Variants in OPCML observed in about 807,000 individuals in gnomAD.
OPCML encodes the protein opioid binding protein/cell adhesion molecule like, also known as opioid-binding protein/cell adhesion molecule.
OPCML carries 13 observed loss-of-function variants against 37.8 expected under a neutral mutation model. That is an observed-to-expected ratio of 0.34 (90% CI 0.22 to 0.55). OPCML has a LOEUF of 0.55. Ranked by LOEUF, OPCML falls within the 20% of genes least tolerant of loss-of-function variation. The pLI, the probability that OPCML is intolerant of heterozygous loss-of-function variation, is 0.91. For synonymous variants in OPCML, 176 were observed against 168.8 expected (o/e 1.04, Z -0.33); for missense variants, 341 against 435.6 (o/e 0.78, Z 1.93).
intron 1 of OPCML, among the ~76,000 whole-genome samples, chr11:132,975,961 G>A (rs949979688): frequency 3.3e-5 from 5 of 152,002 alleles, no homozygotes; most frequent in Admixed American, 6.6e-5. Flanking sequence ...TAGTAGAGAC[G>A]GGGTTTCACC....
chr11:132,725,909 A>T (rs1178050582), intron 2 of OPCML, among the ~76,000 whole-genome samples: 2 of 152,198 alleles, frequency 1.3e-5, no homozygotes, highest in Non-Finnish European at 2.9e-5. Flanking sequence ...ACATAACAAG[A>T]GTTACCTTTG....
chr11:133,161,583 C>A (rs1196211860), intron 1 of OPCML, among the ~76,000 whole-genome samples: 1 of 152,144 alleles, frequency 6.6e-6, no homozygotes, highest in African/African-American at 2.4e-5. Flanking sequence ...GTTCTGTCAG[C>A]TGGCCGATAT....
chr11:133,238,128 T>C (rs1195072176), intron 1 of OPCML, among the ~76,000 whole-genome samples: 1 of 152,222 alleles, frequency 6.6e-6, no homozygotes, highest in Non-Finnish European at 1.5e-5. Context: ...ATTTTAAGTC[T>C]GTCAGACTAT....
chr11:133,026,095 A>G (rs1199784483), intron 1 of OPCML: 1 of 985,002 alleles, frequency 1.0e-6, no homozygotes, highest in Non-Finnish European at 1.2e-6. Flanking sequence ...AAGTTTGGGC[A>G]TATGTGTTCA....
rs1457196428 is a variant in OPCML at position 133,211,080 on chromosome 11, A to T, written c.62-268070T>A. On this transcript the variant is annotated intron_variant, in intron 1 of 7. Transcript: ENST00000524381. The surrounding 1 kb of genome is among the most constrained non-coding windows in gnomAD (Gnocchi z 4.1). ...CCTAGTAATAGAAATGAAATGAGGC[A>T]TCATTCAAAACAGAGGCTTGCCCAC... Among the ~76,000 whole-genome samples, 1 of 152,248 alleles carries T rather than the reference A, an allele frequency of 6.6e-6. No homozygotes were observed. The highest frequency in any genetic ancestry group is 1.5e-5 in the Non-Finnish European group (1 of 68,046).
chr11:133,531,890 AT>A (rs1289085473), intron 1 of OPCML, among the ~76,000 whole-genome samples: 2 of 152,154 alleles, frequency 1.3e-5, no homozygotes, highest in Non-Finnish European at 2.9e-5. Flanking sequence ...AGGTCCCAAC[AT>A]AGGCAGCAAG....
chr11:132,787,812 T>A (rs1176345190), intron 2 of OPCML, among the ~76,000 whole-genome samples: 1 of 152,204 alleles, frequency 6.6e-6, no homozygotes, highest in Admixed American at 6.5e-5. Flanking sequence ...TGTTTCTCTG[T>A]GGCCCAAATT....
At chr11:133,008,279 G>A in intron 1 of OPCML, 8 of 985,396 alleles carry the variant, frequency 8.1e-6, no homozygotes, top group Non-Finnish European at 9.6e-6. Context: ...ATAGAGAGTT[G>A]ACAATCAATT....
At chr11:133,007,864 G>A (rs1276338737) in intron 1 of OPCML, 1 of 985,328 alleles carries the variant, frequency 1.0e-6, no homozygotes, top group East Asian at 1.1e-4. Context: ...TAGAACAAAA[G>A]ATTGTGGGGA....
chr11:133,478,756 G>T (rs1371550891), intron 1 of OPCML, among the ~76,000 whole-genome samples: 1 of 152,080 alleles, frequency 6.6e-6, no homozygotes, highest in Non-Finnish European at 1.5e-5. Flanking sequence ...GGTTTCAATT[G>T]CATGTCTCCT....
intron 1 of OPCML, among the ~76,000 whole-genome samples, chr11:133,457,695 C>G (rs1177612032): frequency 1.3e-5 from 2 of 151,938 alleles, no homozygotes; most frequent in African/African-American, 4.8e-5. Flanking sequence ...TTATAATTCT[C>G]TACATAGCAA....
chr11:132,935,247 A>G (rs1391132766), intron 2 of OPCML, among the ~76,000 whole-genome samples: 1 of 152,196 alleles, frequency 6.6e-6, no homozygotes, highest in East Asian at 1.9e-4. Flanking sequence ...CTTTGAGAAA[A>G]TGTTTCCATA....
At chr11:133,344,035 G>C (rs1048595794) in intron 1 of OPCML, among the ~76,000 whole-genome samples, 7 of 152,166 alleles carry the variant, frequency 4.6e-5, no homozygotes, top group Non-Finnish European at 5.9e-5. Context: ...TAAACCCTGC[G>C]AGGAAACACA....
chr11:133,427,429 G>A (rs745576834), intron 1 of OPCML, among the ~76,000 whole-genome samples: 12 of 110,622 alleles, frequency 1.1e-4, no homozygotes, highest in Admixed American at 8.7e-4. Context: ...GTGGGGGGGC[G>A]GGGTTCAAAA....
intron 3 of OPCML, among the ~76,000 whole-genome samples, chr11:132,573,274 G>A (rs1235157229): frequency 1.3e-5 from 2 of 151,672 alleles, no homozygotes; most frequent in Non-Finnish European, 3.0e-5. Flanking sequence ...ACAACCTCCA[G>A]GACTATTTTA....
chr11:133,192,825 A>G (rs1027824336), intron 1 of OPCML, among the ~76,000 whole-genome samples: 2 of 149,862 alleles, frequency 1.3e-5, no homozygotes, highest in Admixed American at 6.6e-5. Flanking sequence ...TTATCTGGTA[A>G]CCTCCAATCA....
At chr11:132,831,120 C>T (rs901525262) in intron 2 of OPCML, among the ~76,000 whole-genome samples, 1 of 151,886 alleles carries the variant, frequency 6.6e-6, no homozygotes, top group Non-Finnish European at 1.5e-5. Context: ...AAACCTGTCT[C>T]AGTACATGTA....
chr11:132,523,567 A>G (rs2096299935), intron 4 of OPCML, among the ~76,000 whole-genome samples: 1 of 152,238 alleles, frequency 6.6e-6, no homozygotes. Flanking sequence ...TGACTTTAGG[A>G]AGAACTGACA....
intron 1 of OPCML, among the ~76,000 whole-genome samples, chr11:133,447,742 A>G (rs988338885): frequency 6.6e-6 from 1 of 152,210 alleles, no homozygotes; most frequent in Admixed American, 6.5e-5. Flanking sequence ...TGGAGTATAT[A>G]TACCACATTT....
Sources: allele counts gnomAD v4.1 joint callset (sites outside exome capture counted in the v4.1 genomes callset), GRCh38; gene constraint gnomAD v4.1.1; non-coding constraint Gnocchi (gnomAD v3.1); transcripts MANE v1.5; gene names NCBI Gene and HGNC (gene_info 2026-07-23, HGNC 2026-07-21).